WWOX: variants seen among roughly 807,000 people sequenced by gnomAD.
WWOX encodes WW domain-containing oxidoreductase.
WWOX carries 69 observed loss-of-function variants against 46.2 expected under a neutral mutation model. That is an observed-to-expected ratio of 1.49 (90% CI 1.23 to 1.82). WWOX has a LOEUF of 1.82. Among genes scored for constraint, WWOX ranks in the 40% most tolerant of loss-of-function variants. The pLI is 0.00. For missense variants in WWOX, 919 were observed against 542.6 expected, an observed-to-expected ratio of 1.69 and a Z score of -6.89; for synonymous variants, 359 against 202.6, an observed-to-expected ratio of 1.77 and a Z score of -6.56.
At chr16:78,948,724 G>A (rs1029379185) in intron 8 of WWOX, among the ~76,000 whole-genome samples, 11 of 152,108 alleles carry the variant, frequency 7.2e-5, no homozygotes, top group Non-Finnish European at 1.5e-4. Context: ...TTTGGCCCTC[G>A]ACATCTCCTC....
chr16:78,320,244 T>G (rs541888498), intron 5 of WWOX, among the ~76,000 whole-genome samples: 1 of 152,320 alleles, frequency 6.6e-6, no homozygotes, highest in African/African-American at 2.4e-5. Context: ...TCTCTGGGTT[T>G]TTAAGTGGAA....
chr16:78,686,757 C>A (rs374789519), intron 8 of WWOX, among the ~76,000 whole-genome samples: 1 of 152,206 alleles, frequency 6.6e-6, no homozygotes, highest in Non-Finnish European at 1.5e-5. Flanking sequence ...CCCTGCACTC[C>A]ATATGCCTTC....
intron 8 of WWOX, among the ~76,000 whole-genome samples, chr16:79,209,934 G>T (rs1353578550): frequency 1.3e-5 from 2 of 152,204 alleles, no homozygotes; most frequent in Non-Finnish European, 2.9e-5. Context: ...AAATCAATGG[G>T]AAAAGAAACA....
At chr16:78,526,097 A>G (rs3106331) in intron 8 of WWOX, 127,436 of 152,080 alleles carry the variant, frequency 0.84, 54,353 homozygotes, top group East Asian at 1. Context: ...AGCCCTGGTC[A>G]TCAGTGAACA....
At chr16:78,841,203 G>A (rs1275869432) in intron 8 of WWOX, among the ~76,000 whole-genome samples, 3 of 152,158 alleles carry the variant, frequency 2.0e-5, no homozygotes, top group Non-Finnish European at 4.4e-5. Flanking sequence ...TCTAAATCAA[G>A]GGAAGATTGT....
chr16:78,398,181 G>C (rs1421360128), intron 6 of WWOX, among the ~76,000 whole-genome samples: 1 of 152,140 alleles, frequency 6.6e-6, no homozygotes, highest in Admixed American at 6.5e-5. Context: ...CCCTGACACT[G>C]TCCTGTTTGG....
chr16:78,728,506 C>G (rs1209599446), intron 8 of WWOX, among the ~76,000 whole-genome samples: 1 of 152,228 alleles, frequency 6.6e-6, no homozygotes, highest in Non-Finnish European at 1.5e-5. Context: ...CATTCAGTCT[C>G]TTGTGATATC....
At chr16:78,974,400 C>T (rs148622228) in intron 8 of WWOX, among the ~76,000 whole-genome samples, 33 of 152,308 alleles carry the variant, frequency 2.2e-4, no homozygotes, top group Middle Eastern at 3.4e-3. Context: ...ACCTGCCTTG[C>T]TATACACTAG....
At chr16:78,516,244 A>T (rs1239820627) in intron 8 of WWOX, among the ~76,000 whole-genome samples, 1 of 152,092 alleles carries the variant, frequency 6.6e-6, no homozygotes, top group Non-Finnish European at 1.5e-5. Context: ...ACAGACATCT[A>T]TGCCAAATGC....
chr16:79,037,530 A>G (rs970078587), intron 8 of WWOX, among the ~76,000 whole-genome samples: 1 of 152,102 alleles, frequency 6.6e-6, no homozygotes, highest in Non-Finnish European at 1.5e-5. Flanking sequence ...CCAAAGTCAC[A>G]CTGCTGATGA....
At chr16:78,609,869 CCTTTT>C (rs1353711065) in intron 8 of WWOX, among the ~76,000 whole-genome samples, 13 of 152,184 alleles carry the variant, frequency 8.5e-5, no homozygotes, top group African/African-American at 3.1e-4. Context: ...CTAATTTCAA[CCTTTT>C]CTTGCTTTAG....
chr16:78,783,095 T>G (rs1175305299), intron 8 of WWOX, among the ~76,000 whole-genome samples: 1 of 152,212 alleles, frequency 6.6e-6, no homozygotes, highest in Non-Finnish European at 1.5e-5. Flanking sequence ...TGCACAAAAA[T>G]GAGCAGCTAT....
rs747086727 is a variant in WWOX at position 78,728,057 on chromosome 16, T to TC, written c.1056+295305_1056+295306insC. On this transcript the variant is annotated intron_variant, in intron 8 of 8. Transcript: ENST00000566780. ...CCTCTTTCCTCTCTCCCTCCTTCCT[T>TC]TTTTTTTTTTTTTTTTTTTTTTTTT... Among the ~76,000 whole-genome samples the TC allele has an allele frequency of 1.5e-3, 72 of 46,692 alleles. 5 individuals are homozygous for TC. Among genetic ancestry groups the TC allele is most frequent in the South Asian group, 3.3e-3 (4 of 1,202 alleles). 30.6% of individuals were successfully genotyped at this position (46,692 alleles called of 152,430 possible).
Position 78,300,841 on chromosome 16 carries a change from A to G in WWOX, c.517-86019A>G, listed in dbSNP as rs562981562. ...ACCAGCATATAACTTGTAGGTTGTC[A>G]GTGTCTCCAGGGGCCATATGTTCAC... On this transcript the variant is annotated intron_variant, in intron 5 of 8. Coordinates refer to ENST00000566780, the MANE Select transcript of WWOX (RefSeq NM_016373.4). 1.2e-3 allele frequency among the ~76,000 whole-genome samples: 182 copies of G among 152,244 alleles called. 1 individual carries two copies. Among genetic ancestry groups the G allele is most frequent in the African/African-American group, 4.2e-3 (176 of 41,532 alleles).
intron 8 of WWOX, among the ~76,000 whole-genome samples, chr16:79,132,327 T>G (rs1386856162): frequency 3.3e-5 from 5 of 152,232 alleles, no homozygotes; most frequent in African/African-American, 1.2e-4. Flanking sequence ...CAAGATTTTG[T>G]TAGGTCCCAG....
rs537029185 is a variant in WWOX at position 78,980,446 on chromosome 16, C to A, written c.1057-231162C>A. 5.3e-5 allele frequency among the ~76,000 whole-genome samples: 8 copies of A among 152,350 alleles called. No homozygotes were observed. In the East Asian group the frequency reaches 1.3e-3, roughly 26 times the overall value. On this transcript the variant is annotated intron_variant, in intron 8 of 8. Transcript: ENST00000566780. ...ACGATACCACTTGAATTGACAACATCACAGTCAAACCTCAATTTTCACAAT... is the reference window on the plus strand; with the variant it reads ...ACGATACCACTTGAATTGACAACATAACAGTCAAACCTCAATTTTCACAAT...
intron 5 of WWOX, among the ~76,000 whole-genome samples, chr16:78,309,727 C>A (rs997421760): frequency 4.6e-5 from 7 of 152,084 alleles, no homozygotes; most frequent in Non-Finnish European, 4.4e-5. Context: ...ACGTGACTAC[C>A]CAGAATTAAA....
intron 8 of WWOX, among the ~76,000 whole-genome samples, chr16:78,487,707 T>C (rs2084673938): frequency 6.6e-6 from 1 of 152,098 alleles, no homozygotes; most frequent in South Asian, 2.1e-4. Flanking sequence ...AAAACATGTC[T>C]CCAGATGTTG....
chr16:78,201,572 C>T (rs2036230544), intron 5 of WWOX, among the ~76,000 whole-genome samples: 1 of 152,146 alleles, frequency 6.6e-6, no homozygotes, highest in Admixed American at 6.5e-5. Flanking sequence ...CTACCTCAGC[C>T]ATGCCTACCA....
Sources: gnomAD v4.1 joint callset for allele counts (sites outside exome capture counted in the v4.1 genomes callset) on GRCh38, gnomAD v4.1.1 for gene constraint, MANE v1.5 for transcripts, NCBI Gene and HGNC (gene_info 2026-07-23, HGNC 2026-07-21) for gene names.